The following ZMAT4 variants were observed in gnomAD, a reference collection of about 807,000 sequenced individuals.
ZMAT4 encodes zinc finger matrin-type 4, also known as zinc finger matrin-type protein 4.
ZMAT4 carries 17 observed loss-of-function variants against 28.7 expected under a neutral mutation model. The observed-to-expected ratio is 0.59, with a 90% confidence interval of 0.41 to 0.89. The LOEUF (loss-of-function observed/expected upper bound fraction) is 0.89, where lower values mean the gene tolerates loss of function less well. ZMAT4 is among the 40% of genes least tolerant of loss of function. The pLI is 0.00. For synonymous variants in ZMAT4, 117 were observed against 109.2 expected, an observed-to-expected ratio of 1.07 and a Z score of -0.44; for missense variants, 240 against 283.8, an observed-to-expected ratio of 0.85 and a Z score of 1.11.
chr8:40,892,940 C>T (rs1818746171), intron 1 of ZMAT4, among the ~76,000 whole-genome samples: 1 of 152,190 alleles, frequency 6.6e-6, no homozygotes, highest in Non-Finnish European at 1.5e-5. Context: ...AGCTAAAAGC[C>T]CCTGCTTATC....
intron 1 of ZMAT4, among the ~76,000 whole-genome samples, chr8:40,830,779 G>A (rs1816252199): frequency 6.6e-6 from 1 of 152,140 alleles, no homozygotes. Flanking sequence ...ACCCATGCAG[G>A]GCTCTTCAGA....
intron 2 of ZMAT4, among the ~76,000 whole-genome samples, chr8:40,790,365 T>C (rs4298477): frequency 0.43 from 65,746 of 151,650 alleles, 14,369 homozygotes; most frequent in Middle Eastern, 0.48. Flanking sequence ...GGATACAAGA[T>C]TGATATCTAA....
intron 2 of ZMAT4, among the ~76,000 whole-genome samples, chr8:40,783,008 G>A (rs767790926): frequency 6.6e-6 from 1 of 152,236 alleles, no homozygotes; most frequent in Admixed American, 6.5e-5. Context: ...CAGTTTGGCA[G>A]TTCATGAAGA....
chr8:40,707,131 T>G (rs1483575190), intron 3 of ZMAT4, among the ~76,000 whole-genome samples: 1 of 151,734 alleles, frequency 6.6e-6, no homozygotes, highest in Non-Finnish European at 1.5e-5. Context: ...TCAGATGCAG[T>G]CTCCTTCATT....
intron 1 of ZMAT4, among the ~76,000 whole-genome samples, chr8:40,881,109 G>A (rs1208414137): frequency 1.3e-5 from 2 of 152,150 alleles, no homozygotes; most frequent in Admixed American, 6.5e-5. Context: ...GGGCATGGTT[G>A]CTGATGCACT....
At chr8:40,748,322 T>C (rs1026039384) in intron 3 of ZMAT4, among the ~76,000 whole-genome samples, 1 of 152,220 alleles carries the variant, frequency 6.6e-6, no homozygotes, top group African/African-American at 2.4e-5. Flanking sequence ...TGTACCATGT[T>C]CAGTCACATA....
chr8:40,858,664 G>C (rs543967259), intron 1 of ZMAT4, among the ~76,000 whole-genome samples: 1 of 152,096 alleles, frequency 6.6e-6, no homozygotes, highest in Non-Finnish European at 1.5e-5. Flanking sequence ...GTGAAAAAAG[G>C]TTCCCATACC....
rs564793110 is a variant in ZMAT4, at chr8:40,539,080, G to A, written c.675-6842C>T. On this transcript the variant is annotated intron_variant, in intron 6 of 6. Coordinates refer to ENST00000297737, the MANE Select transcript of ZMAT4 (RefSeq NM_024645.3). Reference sequence around the variant, plus strand: ...ATTACAGGGATGAGCCACCACAACCGGCCTTTTATTGCATTTTTCTAAGTG... The same window carrying A: ...ATTACAGGGATGAGCCACCACAACCAGCCTTTTATTGCATTTTTCTAAGTG... 1.3e-4 allele frequency among the ~76,000 whole-genome samples: 20 copies of A among 152,196 alleles called. No homozygotes were observed. In the South Asian group the frequency reaches 2.5e-3, roughly 19 times the overall value.
At chr8:40,636,608 G>A (rs1235172901) in intron 5 of ZMAT4, among the ~76,000 whole-genome samples, 1 of 152,204 alleles carries the variant, frequency 6.6e-6, no homozygotes, top group African/African-American at 2.4e-5. Context: ...GGGGCTATCA[G>A]AGGAGAGAAA....
intron 1 of ZMAT4, among the ~76,000 whole-genome samples, chr8:40,875,637 C>A (rs994217511): frequency 6.6e-6 from 1 of 152,092 alleles, no homozygotes; most frequent in Admixed American, 6.5e-5. Context: ...GGTGTGTGAA[C>A]TGACAGAGTC....
intron 1 of ZMAT4, among the ~76,000 whole-genome samples, chr8:40,879,806 A>T (rs1302765851): frequency 6.6e-6 from 1 of 152,254 alleles, no homozygotes; most frequent in Non-Finnish European, 1.5e-5. Flanking sequence ...GACATATTCC[A>T]TTAGCCAGTT....
chr8:40,726,083 A>C (rs2150522075), intron 3 of ZMAT4, among the ~76,000 whole-genome samples: 1 of 152,312 alleles, frequency 6.6e-6, no homozygotes, highest in Non-Finnish European at 1.5e-5. Context: ...GGTTTATTAG[A>C]TCTCAGAGTA....
At chr8:40,820,235 T>C (rs1042887456) in intron 2 of ZMAT4, among the ~76,000 whole-genome samples, 4 of 150,726 alleles carry the variant, frequency 2.7e-5, no homozygotes, top group Non-Finnish European at 5.9e-5. Flanking sequence ...TATGTGTGTG[T>C]ACGTGTGCGC....
chr8:40,626,108 C>A (rs1806368318), intron 5 of ZMAT4, among the ~76,000 whole-genome samples: 1 of 33,288 alleles, frequency 3.0e-5, no homozygotes, highest in Non-Finnish European at 6.6e-5. Context: ...AAAACTCTGC[C>A]TCAGAAAAAA....
At chr8:40,863,317 C>A (rs189218915) in intron 1 of ZMAT4, among the ~76,000 whole-genome samples, 3 of 152,070 alleles carry the variant, frequency 2.0e-5, no homozygotes, top group East Asian at 1.9e-4. Flanking sequence ...GTAGATTAAA[C>A]CATGTGAAGG....
intron 3 of ZMAT4, among the ~76,000 whole-genome samples, chr8:40,737,718 T>G (rs1481599258): frequency 6.6e-6 from 1 of 152,140 alleles, no homozygotes; most frequent in African/African-American, 2.4e-5. Context: ...GAAGTCTGAT[T>G]ATGTATACAT....
At position 40,533,703 on chromosome 8, in the gene ZMAT4, T is replaced by C. The variant is rs1010162057; in HGVS notation, c.675-1465A>G. On this transcript the variant is annotated intron_variant, in intron 6 of 6. Transcript: ENST00000297737. ...ATGTAGACTAAAAAAATTGAGACTA[T>C]ATGCATATTTTTAAAAATAGCTTTG... Among the ~76,000 whole-genome samples the C allele has an allele frequency of 3.9e-5, 6 of 152,376 alleles. No homozygotes were observed. In the East Asian group the frequency reaches 1.2e-3, roughly 29 times the overall value.
intron 5 of ZMAT4, among the ~76,000 whole-genome samples, chr8:40,624,265 T>C (rs1293682434): frequency 1.3e-5 from 2 of 152,132 alleles, no homozygotes; most frequent in Non-Finnish European, 2.9e-5. Flanking sequence ...AAGAGATTTC[T>C]CTCTCACTCT....
At chr8:40,779,379 C>T (rs186889679) in intron 2 of ZMAT4, among the ~76,000 whole-genome samples, 27 of 152,072 alleles carry the variant, frequency 1.8e-4, no homozygotes, top group Middle Eastern at 3.4e-3. Context: ...CACCAAGAAA[C>T]GCCCAGAGCT....
Sources: allele counts gnomAD v4.1 joint callset (sites outside exome capture counted in the v4.1 genomes callset), GRCh38; gene constraint gnomAD v4.1.1; transcripts MANE v1.5; gene names NCBI Gene and HGNC (gene_info 2026-07-23, HGNC 2026-07-21).